Variants in EXOC3L2 observed in about 807,000 individuals in gnomAD.
EXOC3L2 encodes the protein exocyst complex component 3 like 2.
Under a neutral mutation model 44.4 loss-of-function variants are expected in EXOC3L2, and 17 were observed. The ratio of observed to expected loss-of-function variants is 0.38; its 90% CI spans 0.26 to 0.57. The LOEUF is 0.57. Among genes scored for constraint, EXOC3L2 ranks in the 20% least tolerant of loss-of-function variants. EXOC3L2 has a pLI of 0.65. For synonymous variants in EXOC3L2, 256 were observed against 253.7 expected (o/e 1.01, Z -0.09); for missense variants, 541 against 588.4 (o/e 0.92, Z 0.83).
rs1219971958 is a variant in EXOC3L2, at chr19:45,238,307, C to T, written c.523+216G>A. ...GGTGGGCATATATTAACAGGTGGCA[C>T]TGAAGAGAAAGGTTGACGACAGGGA... On this transcript the variant is annotated intron_variant, in intron 2 of 11. Transcript: ENST00000413988. The surrounding 1 kb of genome is among the most constrained non-coding windows in gnomAD (Gnocchi z 5.5). 6.6e-6 allele frequency among the ~76,000 whole-genome samples: 1 copy of T among 152,004 alleles called. No individual in the cohort carries two copies. The highest frequency in any genetic ancestry group is 6.6e-5 in the Admixed American group (1 of 15,248).
intron 1 of EXOC3L2, among the ~76,000 whole-genome samples, chr19:45,239,878 G>C (rs1970116742): frequency 6.6e-6 from 1 of 151,864 alleles, no homozygotes; most frequent in Non-Finnish European, 1.5e-5. Flanking sequence ...GGCTGAGAGG[G>C]GGGAAGGCTC....
chr19:45,225,341 T>A (rs1031965959), intron 7 of EXOC3L2, among the ~76,000 whole-genome samples: 1 of 151,902 alleles, frequency 6.6e-6, no homozygotes, highest in Non-Finnish European at 1.5e-5. Context: ...CCATCTTGGC[T>A]CACTGTAAGT....
chr19:45,214,736 A>T, intron 11 of EXOC3L2, among the ~76,000 whole-genome samples: 1 of 151,430 alleles, frequency 6.6e-6, no homozygotes, highest in South Asian at 2.1e-4. Flanking sequence ...AAGTGCTGGG[A>T]TTACAAGCGT....
At chr19:45,240,632 A>G (rs1190456163) in intron 1 of EXOC3L2, among the ~76,000 whole-genome samples, 3 of 152,182 alleles carry the variant, frequency 2.0e-5, no homozygotes, top group African/African-American at 7.2e-5. Flanking sequence ...GTGGTCGCTC[A>G]TGCCTGTAAT....
chr19:45,235,906 G>A (rs758765065), intron 2 of EXOC3L2, among the ~76,000 whole-genome samples: 1 of 152,160 alleles, frequency 6.6e-6, no homozygotes, highest in African/African-American at 2.4e-5. Context: ...GCTAAAAGCC[G>A]GGCTCAGGCA....
intron 1 of EXOC3L2, among the ~76,000 whole-genome samples, chr19:45,239,286 C>T (rs956038718): frequency 6.8e-6 from 1 of 147,288 alleles, no homozygotes; most frequent in African/African-American, 2.5e-5. Flanking sequence ...GGCACGATCT[C>T]AGCTCACTGC....
chr19:45,244,775 C>T (rs75765260), intron 1 of EXOC3L2, among the ~76,000 whole-genome samples: 1,731 of 152,190 alleles, frequency 0.011, 27 homozygotes, highest in African/African-American at 0.04. Context: ...ACGGTCTTTC[C>T]ATATGGCATG....
At chr19:45,232,361 A>G (rs760584073) in intron 3 of EXOC3L2, among the ~76,000 whole-genome samples, 3 of 152,054 alleles carry the variant, frequency 2.0e-5, no homozygotes, top group Non-Finnish European at 4.4e-5. Flanking sequence ...TTGCCCTACA[A>G]ATTGGACCAA....
Position 45,238,953 on chromosome 19 carries a change from T to C in EXOC3L2, c.93A>G (p.Glu31=), listed in dbSNP as rs1220109425. ...CCTCTTCTTCCTCCAGCCCTGAAACTTCTTCAAAGGGGTTCCGAGAGGACC... is the reference window on the plus strand; with the variant it reads ...CCTCTTCTTCCTCCAGCCCTGAAACCTCTTCAAAGGGGTTCCGAGAGGACC... ...PLRSSRNPFE[E]VSGLEEEEAG... Residue 31 remains glutamate (E), a synonymous_variant, in exon 2 of 12, where the codon GAA becomes GAG. Coordinates refer to ENST00000413988, the MANE Select transcript of EXOC3L2 (RefSeq NM_001382422.1). The surrounding 1 kb of genome is among the most constrained non-coding windows in gnomAD (Gnocchi z 5.5). 1.8e-5 allele frequency: 7 copies of C among 399,020 alleles called. No individual in the cohort carries two copies. The Admixed American group carries it at 3.1e-4, about 18-fold the overall frequency. 24.7% of individuals were successfully genotyped at this position (399,020 alleles called of 1,614,324 possible). A position where few individuals can be genotyped will look rare whatever the true frequency, so the allele number is the denominator to read the frequency against.
chr19:45,224,973 G>A (rs10410561), intron 7 of EXOC3L2, 60 bp from the exon 8 acceptor site: 81,284 of 1,474,974 alleles, frequency 0.055, 2,965 homozygotes, highest in African/African-American at 0.16. Context: ...AACTGCCTAG[G>A]CCTGTCTTCC....
In EXOC3L2 at chr19:45,244,429, C is replaced by T. The variant is rs139369427; in HGVS notation, c.-17+912G>A. ...CGCCTCCAAACTGGATCCAACATCC[C>T]CAAACCTGGCTGCAACATTTTCCCA... On this transcript the variant is annotated intron_variant, in intron 1 of 11. Transcript: ENST00000413988. Among the ~76,000 whole-genome samples, 6 of 152,292 alleles carry T rather than the reference C, an allele frequency of 3.9e-5. No homozygotes were observed. The East Asian group carries it at 1.2e-3, about 29-fold the overall frequency.
chr19:45,235,236 A>T (rs775416174), intron 2 of EXOC3L2, among the ~76,000 whole-genome samples: 1 of 152,160 alleles, frequency 6.6e-6, no homozygotes, highest in Non-Finnish European at 1.5e-5. Flanking sequence ...CAGAGGTTGC[A>T]GTGAGCCGAG....
At position 45,238,891 on chromosome 19, in the gene EXOC3L2, C is replaced by T; in HGVS notation, c.155G>A (p.Cys52Tyr). Residue 52 changes from cysteine to tyrosine, a missense_variant, in exon 2 of 12, where the codon TGT becomes TAT. Transcript: ENST00000413988. This position sits in a 1 kb window ranked among gnomAD's most constrained non-coding sequence, Gnocchi z 5.5. ...CTTCTCCAGGGTGGCGCGGCGGCGA[C>T]AAGATGTTCCATTGGGGAGGGACCC... ...ELGSLPNGTSCRRRATLEKLA... is the reference protein window; with the variant it reads ...ELGSLPNGTSYRRRATLEKLA... The T allele has an allele frequency of 2.5e-6, 1 of 399,208 alleles. No individual in the cohort carries two copies. The highest frequency in any genetic ancestry group is 4.4e-6 in the Non-Finnish European group (1 of 226,196). 24.7% of individuals were successfully genotyped at this position (399,208 alleles called of 1,614,324 possible).
At chr19:45,230,374 A>G (rs1970018250) in intron 4 of EXOC3L2, among the ~76,000 whole-genome samples, 1 of 152,038 alleles carries the variant, frequency 6.6e-6, no homozygotes, top group African/African-American at 2.4e-5. Context: ...ACCCGCCACC[A>G]TGCCCAGCTA....
At chr19:45,223,104 A>G (rs760160433) in intron 8 of EXOC3L2, among the ~76,000 whole-genome samples, 1 of 152,086 alleles carries the variant, frequency 6.6e-6, no homozygotes, top group Non-Finnish European at 1.5e-5. Context: ...AATACAAATA[A>G]ATAGGCAGGG....
chr19:45,221,510 G>A (rs1443819581), intron 8 of EXOC3L2, among the ~76,000 whole-genome samples: 2 of 151,624 alleles, frequency 1.3e-5, no homozygotes, highest in South Asian at 2.1e-4. Flanking sequence ...CACCATGCCC[G>A]GCTAATTTTT....
intron 8 of EXOC3L2, among the ~76,000 whole-genome samples, chr19:45,221,049 C>T (rs1224869897): frequency 3.1e-5 from 4 of 130,180 alleles, no homozygotes; most frequent in African/African-American, 8.7e-5. Context: ...GGGGGAGGGT[C>T]GGGGGAGAGG....
rs556847674 is a variant in EXOC3L2 at position 45,217,108 on chromosome 19, C to T, written c.1998+420G>A. Among the ~76,000 whole-genome samples, 20 of 151,936 alleles carry T rather than the reference C, an allele frequency of 1.3e-4. No individual in the cohort carries two copies. In the South Asian group the frequency reaches 2.5e-3, roughly 19 times the overall value. On this transcript the variant is annotated intron_variant, in intron 10 of 11. Coordinates refer to ENST00000413988, the MANE Select transcript of EXOC3L2 (RefSeq NM_001382422.1). ...CAGGATCTCGGCTCACTGCAACCTC[C>T]GCCTCTTAGTTCAAGCGATTCTCCT... is the stretch of plus-strand genomic sequence containing the variant.
rs1488441313 is a variant in EXOC3L2 at position 45,238,448 on chromosome 19, C to G, written c.523+75G>C. Reference sequence around the variant, plus strand: ...AGCTGGGATGGGCTTAAGTATGAAGCCTGGGACCACCAGGGCTGGGGATGG... The same window carrying G: ...AGCTGGGATGGGCTTAAGTATGAAGGCTGGGACCACCAGGGCTGGGGATGG... On this transcript the variant is annotated intron_variant, in intron 2 of 11. Transcript: ENST00000413988. This position sits in a 1 kb window ranked among gnomAD's most constrained non-coding sequence, Gnocchi z 5.5. The G allele has an allele frequency of 2.5e-6, 1 of 399,332 alleles. No homozygotes were observed. The highest frequency in any genetic ancestry group is 4.4e-6 in the Non-Finnish European group (1 of 226,180). 24.7% of individuals were successfully genotyped at this position (399,332 alleles called of 1,614,324 possible).
Sources: gnomAD v4.1 joint callset for allele counts (sites outside exome capture counted in the v4.1 genomes callset) on GRCh38, gnomAD v4.1.1 for gene constraint, Gnocchi (gnomAD v3.1) non-coding constraint, MANE v1.5 for transcripts, NCBI Gene and HGNC (gene_info 2026-07-23, HGNC 2026-07-21) for gene names.